Variants in GPR176 observed in about 807,000 individuals in gnomAD.
The protein encoded by GPR176 is G protein-coupled receptor 176.
A neutral mutation model predicts 35.4 loss-of-function variants in GPR176; 26 were observed. That is an observed-to-expected ratio of 0.74 (90% CI 0.54 to 1.02). The LOEUF (loss-of-function observed/expected upper bound fraction) is 1.02, where lower values mean the gene tolerates loss of function less well. Ranked by LOEUF, GPR176 falls within the 50% of genes least tolerant of loss-of-function variation. GPR176 has a pLI of 0.00. For missense variants in GPR176, 597 were observed against 665.3 expected (o/e 0.90, Z 1.13); for synonymous variants, 278 against 271.3 (o/e 1.02, Z -0.24).
At chr15:39,872,784 G>A (rs1232521278) in intron 1 of GPR176, among the ~76,000 whole-genome samples, 4 of 152,030 alleles carry the variant, frequency 2.6e-5, no homozygotes, top group African/African-American at 4.8e-5. Flanking sequence ...CTCACTTTTC[G>A]CAAAGATAGC....
Position 39,919,984 on chromosome 15 carries a change from G to A in GPR176, c.43C>T (p.Pro15Ser). ...GSWISPNASEPHNASGAEAAG... is the reference protein window; with the variant it reads ...GSWISPNASESHNASGAEAAG... The stretch of plus-strand genomic sequence containing the variant: ...GCCTCGGCGCCGGACGCGTTGTGCG[G>A]CTCGCTGGCATTTGGAGAGATCCAG... Residue 15 changes from proline (P) to serine (S), a missense_variant, in exon 1 of 3, where the codon CCG (proline) becomes TCG (serine). Coordinates refer to ENST00000561100, the MANE Select transcript of GPR176 (RefSeq NM_007223.3). The A allele has an allele frequency of 2.1e-6, 3 of 1,460,326 alleles. No homozygotes were observed. The highest frequency in any genetic ancestry group is 1.8e-6 in the Non-Finnish European group (2 of 1,104,770). The allele number at this position is 1,460,326 out of a possible 1,614,324, so 90.5% of individuals were successfully genotyped here.
chr15:39,886,499 T>C (rs2032680629), intron 1 of GPR176, among the ~76,000 whole-genome samples: 1 of 152,184 alleles, frequency 6.6e-6, no homozygotes, highest in Non-Finnish European at 1.5e-5. Context: ...CTGTGTTGTT[T>C]TTCCCTCAAC....
At chr15:39,909,028 C>T (rs1427861144) in intron 1 of GPR176, among the ~76,000 whole-genome samples, 1 of 152,172 alleles carries the variant, frequency 6.6e-6, no homozygotes, top group African/African-American at 2.4e-5. Context: ...GTCTGGTTCA[C>T]TCAATATTCC....
At chr15:39,833,631 C>A (rs1566944978) in intron 1 of GPR176, among the ~76,000 whole-genome samples, 1 of 152,124 alleles carries the variant, frequency 6.6e-6, no homozygotes, top group Non-Finnish European at 1.5e-5. Flanking sequence ...AATCATACAA[C>A]AAACAGCAGT....
At position 39,919,906 on chromosome 15, in the gene GPR176, G is replaced by C; in HGVS notation, c.121C>G (p.Arg41Gly). ...ACCTGCACGGTGGTGGTGAACTGGC[G>C]GTACAGCTGCGCCTCGCCGAACTCC... ...LGEFGEAQLY[R>G]QFTTTVQVVI... is the part of the protein sequence containing the mutation. The change falls in exon 1 of 3, where the codon CGC (arginine) becomes GGC (glycine). Residue 41 changes from arginine (R) to glycine (G), a missense_variant. Arg to Gly is a moderately radical substitution (Grantham distance 125). Coordinates refer to ENST00000561100, the MANE Select transcript of GPR176 (RefSeq NM_007223.3). 1 of 1,525,222 alleles carries C rather than the reference G, an allele frequency of 6.6e-7. No individual in the cohort carries two copies. The highest frequency in any genetic ancestry group is 1.2e-5 in the South Asian group (1 of 80,004). The allele number at this position is 1,525,222 out of a possible 1,614,324, so 94.5% of individuals were successfully genotyped here.
chr15:39,861,443 G>A (rs1050232871), intron 1 of GPR176, among the ~76,000 whole-genome samples: 7 of 151,896 alleles, frequency 4.6e-5, no homozygotes, highest in Admixed American at 2.6e-4. Flanking sequence ...CCAGCTACCC[G>A]GAGGCTGAAG....
intron 1 of GPR176, among the ~76,000 whole-genome samples, chr15:39,851,607 G>C (rs753914834): frequency 3.9e-5 from 6 of 152,158 alleles, no homozygotes; most frequent in Admixed American, 1.3e-4. Flanking sequence ...CCAGAACTCA[G>C]TCTTTTCTGT....
intron 1 of GPR176, among the ~76,000 whole-genome samples, chr15:39,860,642 C>T (rs1333761818): frequency 6.6e-6 from 1 of 152,118 alleles, no homozygotes; most frequent in South Asian, 2.1e-4. Flanking sequence ...ATAAAAGAGA[C>T]CTGAAGGCTC....
intron 1 of GPR176, among the ~76,000 whole-genome samples, chr15:39,830,626 T>C (rs1046744462): frequency 5.9e-5 from 9 of 152,124 alleles, no homozygotes; most frequent in African/African-American, 2.2e-4. Context: ...AGCAGATGAG[T>C]TGCCAATTAA....
Position 39,802,262 on chromosome 15 carries a change from A to G in GPR176, c.426-8T>C. The G allele has an allele frequency of 5.1e-6, 8 of 1,555,630 alleles. No homozygotes were observed. Among genetic ancestry groups the G allele is most frequent in the Non-Finnish European group, 7.0e-6 (8 of 1,149,152 alleles). Reference sequence around the variant, plus strand: ...TAGAGGACTGAGTAGTACCTGCAAGATACACAAACAAAATTAATTCCACAG... The same window carrying G: ...TAGAGGACTGAGTAGTACCTGCAAGGTACACAAACAAAATTAATTCCACAG... On this transcript the variant is annotated splice_polypyrimidine_tract_variant and splice_region_variant and intron_variant, in intron 2 of 2. Transcript: ENST00000561100.
At chr15:39,905,870 T>C (rs187836812) in intron 1 of GPR176, among the ~76,000 whole-genome samples, 2 of 152,304 alleles carry the variant, frequency 1.3e-5, no homozygotes, top group Admixed American at 6.5e-5. Context: ...CTTGTGGTGA[T>C]GGAAATTTCG....
At chr15:39,877,563 T>G (rs907402712) in intron 1 of GPR176, among the ~76,000 whole-genome samples, 393 of 149,644 alleles carry the variant, frequency 2.6e-3, no homozygotes, top group African/African-American at 8.7e-3. Context: ...TTTTTTTTTT[T>G]TTTGTTTGTT....
At chr15:39,819,059 A>C (rs1343657978) in intron 1 of GPR176, among the ~76,000 whole-genome samples, 1 of 152,200 alleles carries the variant, frequency 6.6e-6, no homozygotes, top group African/African-American at 2.4e-5. Context: ...AACAGGTTCC[A>C]CTTCCCTACT....
In GPR176 at chr15:39,879,947, G is replaced by C. The variant is rs377190441; in HGVS notation, c.172+39908C>G. Among the ~76,000 whole-genome samples the C allele has an allele frequency of 2.0e-5, 3 of 152,136 alleles. No homozygotes were observed. The East Asian group carries it at 5.8e-4, about 29-fold the overall frequency. ...TGACTCATAGCCTCTGTCCCACCCA[G>C]GCCTTGCCATTATTTAGGATAATTT... On this transcript the variant is annotated intron_variant, in intron 1 of 2. Coordinates refer to ENST00000561100, the MANE Select transcript of GPR176 (RefSeq NM_007223.3).
chr15:39,867,859 G>A (rs1287391461), intron 1 of GPR176, among the ~76,000 whole-genome samples: 2 of 152,258 alleles, frequency 1.3e-5, no homozygotes, highest in Non-Finnish European at 2.9e-5. Flanking sequence ...GATGAGGGAT[G>A]TGAACTACAG....
At chr15:39,891,412 G>A (rs1280895758) in intron 1 of GPR176, among the ~76,000 whole-genome samples, 1 of 152,098 alleles carries the variant, frequency 6.6e-6, no homozygotes, top group African/African-American at 2.4e-5. Flanking sequence ...AGGCTGGAGT[G>A]CAGTGGTGCG....
intron 1 of GPR176, among the ~76,000 whole-genome samples, chr15:39,883,206 T>C (rs1200186963): frequency 6.6e-6 from 1 of 152,200 alleles, no homozygotes; most frequent in Non-Finnish European, 1.5e-5. Flanking sequence ...ACTGCTATTC[T>C]TGACAGACTC....
At chr15:39,913,733 A>G (rs752568440) in intron 1 of GPR176, among the ~76,000 whole-genome samples, 5 of 152,174 alleles carry the variant, frequency 3.3e-5, no homozygotes, top group Non-Finnish European at 7.3e-5. Context: ...TGGTTGCACT[A>G]CTTTGTGAAT....
intron 1 of GPR176, among the ~76,000 whole-genome samples, chr15:39,851,107 AT>A (rs2140808591): frequency 6.6e-6 from 1 of 152,322 alleles, no homozygotes; most frequent in Admixed American, 6.5e-5. Context: ...TAATGCCATC[AT>A]TTACTGAGAT....
Sources: gnomAD v4.1 joint callset for allele counts (sites outside exome capture counted in the v4.1 genomes callset) on GRCh38, gnomAD v4.1.1 for gene constraint, MANE v1.5 for transcripts, NCBI Gene and HGNC (gene_info 2026-07-23, HGNC 2026-07-21) for gene names.